FREM3: variants seen among roughly 807,000 people sequenced by gnomAD.
FREM3 encodes FRAS1 related extracellular matrix 3.
FREM3 carries 105 observed loss-of-function variants against 129.1 expected under a neutral mutation model. The ratio of observed to expected loss-of-function variants is 0.81; its 90% confidence interval spans 0.69 to 0.96. FREM3 has a LOEUF of 0.96. Ranked by LOEUF, FREM3 falls within the 40% of genes least tolerant of loss-of-function variation. The pLI, the probability that FREM3 is intolerant of heterozygous loss-of-function variation, is 0.00. For missense variants in FREM3, 2,593 were observed against 2,666.3 expected (o/e 0.97, Z 0.61); for synonymous variants, 1,014 against 1,044.9 (o/e 0.97, Z 0.57).
At chr4:143,595,633 A>G (rs919573213) in intron 6 of FREM3, among the ~76,000 whole-genome samples, 2 of 152,176 alleles carry the variant, frequency 1.3e-5, no homozygotes, top group Non-Finnish European at 2.9e-5. Context: ...CTTGCCTGTA[A>G]TCCCAGCACT....
chr4:143,602,896 T>A (rs1207730217), intron 6 of FREM3, among the ~76,000 whole-genome samples: 1 of 152,150 alleles, frequency 6.6e-6, no homozygotes, highest in African/African-American at 2.4e-5. Flanking sequence ...CAAAAGGTAT[T>A]CTGACCTTGG....
intron 2 of FREM3, among the ~76,000 whole-genome samples, chr4:143,670,231 C>T (rs1369025841): frequency 6.6e-6 from 1 of 151,874 alleles, no homozygotes; most frequent in Non-Finnish European, 1.5e-5. Flanking sequence ...CAGTAAATGC[C>T]GAACTTGAAT....
intron 2 of FREM3, among the ~76,000 whole-genome samples, chr4:143,668,091 A>G (rs1054442378): frequency 2.0e-5 from 3 of 152,228 alleles, no homozygotes; most frequent in African/African-American, 7.2e-5. Context: ...AAAGTGTTTT[A>G]TATTTTCTAA....
chr4:143,687,994 T>C (rs1740398781), intron 2 of FREM3, among the ~76,000 whole-genome samples: 1 of 152,126 alleles, frequency 6.6e-6, no homozygotes, highest in Non-Finnish European at 1.5e-5. Flanking sequence ...TTCAACATAG[T>C]ACTGGAAGTC....
intron 6 of FREM3, among the ~76,000 whole-genome samples, chr4:143,598,816 A>G (rs763685703): frequency 1.3e-5 from 2 of 152,242 alleles, no homozygotes; most frequent in Non-Finnish European, 1.5e-5. Flanking sequence ...TCAGTACAGT[A>G]ACATGCTGTA....
intron 2 of FREM3, among the ~76,000 whole-genome samples, chr4:143,665,984 T>C (rs1739851677): frequency 6.6e-6 from 1 of 152,178 alleles, no homozygotes; most frequent in Admixed American, 6.5e-5. Context: ...TTCATTTTAG[T>C]AATCAGTCTA....
rs1456303908 is a variant in FREM3 at position 143,698,314 on chromosome 4, G to A, written c.2362C>T (p.Gln788Ter). ...AQVNQHKVAY[Q>*]PPQKLGIAPR... ...GCAATACCCAATTTCTGTGGAGGCT[G>A]GTAGGCAACTTTATGCTGATTTACC... The change falls in exon 1 of 8, where the codon CAG becomes TAG. Residue 788 changes from glutamine (Q) to a stop codon, truncating the protein, a stop_gained. Coordinates refer to ENST00000329798, the MANE Select transcript of FREM3 (RefSeq NM_001168235.2). LOFTEE classifies it high-confidence loss of function. 8 of 1,537,774 alleles carry A rather than the reference G, an allele frequency of 5.2e-6. No individual in the cohort carries two copies. Among genetic ancestry groups the A allele is most frequent in the East Asian group, 2.4e-5 (1 of 40,920 alleles).
chr4:143,586,340 A>G (rs112952333), intron 6 of FREM3, among the ~76,000 whole-genome samples: 3 of 152,334 alleles, frequency 2.0e-5, no homozygotes, highest in African/African-American at 7.2e-5. Flanking sequence ...TTGTTTGGGA[A>G]AAGATGGTGG....
intron 2 of FREM3, among the ~76,000 whole-genome samples, chr4:143,664,679 C>A (rs1739817304): frequency 6.6e-6 from 1 of 152,164 alleles, no homozygotes; most frequent in African/African-American, 2.4e-5. Flanking sequence ...TGTCTGTGCC[C>A]TGCCCCCAGA....
chr4:143,627,109 C>T (rs1739052106), intron 3 of FREM3, among the ~76,000 whole-genome samples: 1 of 151,920 alleles, frequency 6.6e-6, no homozygotes, highest in African/African-American at 2.4e-5. Context: ...TGTACTAGGT[C>T]CTTGTAGAAC....
chr4:143,651,431 G>A (rs1739507752), intron 2 of FREM3, among the ~76,000 whole-genome samples: 2 of 152,164 alleles, frequency 1.3e-5, no homozygotes, highest in South Asian at 4.1e-4. Context: ...ATATTCAAAG[G>A]TTTTGGATAA....
rs529050513 is a variant in FREM3 at position 143,623,498 on chromosome 4, C to A, written c.5653+610G>T. On this transcript the variant is annotated intron_variant, in intron 4 of 7. Transcript: ENST00000329798. ...AATTCAAAGATGAATACTAATCCCC[C>A]CCCCCCCCCACCATTTAGGGAATAT... Among the ~76,000 whole-genome samples, 10 of 127,510 alleles carry A rather than the reference C, an allele frequency of 7.8e-5. 1 individual carries two copies. The highest frequency in any genetic ancestry group is 7.5e-4 in the Admixed American group (10 of 13,366). The allele number at this position is 127,510 out of a possible 152,430, so 83.7% of individuals were successfully genotyped here. A position where few individuals can be genotyped will look rare whatever the true frequency, so the allele number is the denominator to read the frequency against.
In FREM3 at chr4:143,696,059, G is replaced by C. The variant is rs1015931156; in HGVS notation, c.4617C>G (p.Ile1539Met). 2 of 1,537,646 alleles carry C rather than the reference G, an allele frequency of 1.3e-6. No individual in the cohort carries two copies. The highest frequency in any genetic ancestry group is 1.7e-6 in the Non-Finnish European group (2 of 1,146,990). ...GTAGTGTTAGTCTATGGATGGTCAA[G>C]ATAGGTTTCTTATTATCCACATCAG... ...FITDVDNKKP[I>M]LTIHRLTLQK... The change falls in exon 1 of 8, where the codon ATC becomes ATG. Residue 1539 changes from isoleucine (I) to methionine (M), a missense_variant. Around this residue, in one of 2 missense-constraint regions of FREM3, gnomAD observed 2,276 missense variants for 2,267.2 expected, o/e 1.00. Coordinates refer to ENST00000329798, the MANE Select transcript of FREM3 (RefSeq NM_001168235.2).
Position 143,700,036 on chromosome 4 carries a change from G to A in FREM3, c.640C>T (p.Pro214Ser). Reference sequence around the variant, plus strand: ...TTGGGCAGGGGGCCGTCCTCGTGAGGAAGTGGGGTAAGCCGGCACCTGCGG... The same window carrying A: ...TTGGGCAGGGGGCCGTCCTCGTGAGAAAGTGGGGTAAGCCGGCACCTGCGG... ...ATRRCRLTPL[P>S]HEDGPLPKYG... The change falls in exon 1 of 8, where the codon CCT becomes TCT. Residue 214 changes from proline to serine, a missense_variant. Around this residue, in one of 2 missense-constraint regions of FREM3, gnomAD observed 2,276 missense variants for 2,267.2 expected, o/e 1.00. Transcript: ENST00000329798. 4 of 1,515,772 alleles carry A rather than the reference G, an allele frequency of 2.6e-6. No individual in the cohort carries two copies. The highest frequency in any genetic ancestry group is 4.9e-5 in the East Asian group (2 of 40,634). 93.9% of individuals were successfully genotyped at this position (1,515,772 alleles called of 1,614,324 possible). A position where few individuals can be genotyped will look rare whatever the true frequency, so the allele number is the denominator to read the frequency against.
chr4:143,608,537 A>G (rs1343387192), intron 6 of FREM3, among the ~76,000 whole-genome samples: 1 of 152,218 alleles, frequency 6.6e-6, no homozygotes, highest in South Asian at 2.1e-4. Context: ...CAGAAAACAT[A>G]CATCTTATTG....
intron 2 of FREM3, among the ~76,000 whole-genome samples, chr4:143,659,112 T>C (rs954670183): frequency 7.4e-6 from 1 of 134,612 alleles, no homozygotes; most frequent in African/African-American, 2.6e-5. Context: ...TTATTATTAT[T>C]ATACTTTAAG....
chr4:143,668,485 A>G (rs1295874660), intron 2 of FREM3, among the ~76,000 whole-genome samples: 1 of 152,248 alleles, frequency 6.6e-6, no homozygotes, highest in Non-Finnish European at 1.5e-5. Flanking sequence ...CACCCAATGA[A>G]TAAAACACTG....
At chr4:143,620,734 GATGTCTCATTTGACTTTCACAA>G (rs1276100043) in intron 5 of FREM3, among the ~76,000 whole-genome samples, 3 of 152,146 alleles carry the variant, frequency 2.0e-5, no homozygotes, top group Non-Finnish European at 2.9e-5. Context: ...TTTGACACAA[GATGTCTCATTTGACTTTCACAA>G]ATGTCTCATT....
Position 143,698,770 on chromosome 4 carries a change from C to CTTCCT in FREM3, c.1901_1905dup (p.Gly636ArgfsTer9). 2.0e-6 allele frequency: 3 copies of CTTCCT among 1,537,566 alleles called. No homozygotes were observed. ...TCAGTCACCACTTTCTCATAAAGCC[C>CTTCCT]TTCCTTTTCCATGTAGTGCCAGTCT... On this transcript the variant is annotated frameshift_variant, in exon 1 of 8. Coordinates refer to ENST00000329798, the MANE Select transcript of FREM3 (RefSeq NM_001168235.2). LOFTEE classifies it high-confidence loss of function.
Sources: allele counts gnomAD v4.1 joint callset (sites outside exome capture counted in the v4.1 genomes callset), GRCh38; gene constraint gnomAD v4.1.1; regional missense constraint gnomAD v4.1.1; transcripts MANE v1.5; gene names NCBI Gene and HGNC (gene_info 2026-07-23, HGNC 2026-07-21).